CACNG5: variants seen among roughly 807,000 people sequenced by gnomAD.
The protein encoded by CACNG5 is voltage-dependent calcium channel gamma-5 subunit.
Under a neutral mutation model 24.8 loss-of-function variants are expected in CACNG5, and 18 were observed. The observed-to-expected ratio is 0.73, with a 90% confidence interval of 0.50 to 1.08. The LOEUF (loss-of-function observed/expected upper bound fraction) is 1.08, where lower values mean the gene tolerates loss of function less well. Ranked by LOEUF, CACNG5 falls within the 50% of genes least tolerant of loss-of-function variation. The pLI, the probability that CACNG5 is intolerant of heterozygous loss-of-function variation, is 0.00. For synonymous variants in CACNG5, 157 were observed against 149.1 expected (o/e 1.05, Z -0.39); for missense variants, 349 against 367.9 (o/e 0.95, Z 0.42).
chr17:66,836,063 G>C lies in CACNG5; in HGVS notation c.-104+813G>C, dbSNP rs114228463. ...TTTGAGAAATAATTCCGGGAGCCTG[G>C]CTGGGGAGGAAAGAAGCTCATATTC... On this transcript the variant is annotated intron_variant, in intron 1 of 5. Transcript: ENST00000533854. 9.7e-3 allele frequency among the ~76,000 whole-genome samples: 1,476 copies of C among 152,320 alleles called. 32 individuals are homozygous for C. The highest frequency in any genetic ancestry group is 0.033 in the African/African-American group (1,374 of 41,560).
At chr17:66,836,125 C>T (rs78972635) in intron 1 of CACNG5, among the ~76,000 whole-genome samples, 7,700 of 152,230 alleles carry the variant, frequency 0.051, 269 homozygotes, top group African/African-American at 0.1. Context: ...GGGCTGCCTC[C>T]GGTACCTGCC....
intron 1 of CACNG5, among the ~76,000 whole-genome samples, chr17:66,838,199 C>G (rs911246665): frequency 2.0e-5 from 3 of 151,752 alleles, no homozygotes; most frequent in Admixed American, 1.3e-4. Flanking sequence ...CCCTGCCTGG[C>G]TGTGCCTCCC....
At chr17:66,884,414 CTGGTG>C in intron 4 of CACNG5, 97 bp from the exon 5 acceptor site, 1 of 1,233,770 alleles carries the variant, frequency 8.1e-7, no homozygotes, top group Non-Finnish European at 1.1e-6. Context: ...TACCCCAAGG[CTGGTG>C]GCTTTGCTCC....
chr17:66,861,675 C>G (rs1484209146), intron 1 of CACNG5, among the ~76,000 whole-genome samples: 1 of 152,180 alleles, frequency 6.6e-6, no homozygotes, highest in Admixed American at 6.5e-5. Flanking sequence ...TTGTTTCTGT[C>G]TACACATATT....
intron 2 of CACNG5, 108 bp from the exon 3 acceptor site, chr17:66,878,864 C>T (rs1977120114): frequency 2.2e-6 from 2 of 894,292 alleles, no homozygotes; most frequent in Middle Eastern, 3.3e-4. Context: ...GGTGCAAAGA[C>T]ACAGCAGGTC....
intron 4 of CACNG5, 51 bp from the exon 5 acceptor site, chr17:66,884,465 A>T: frequency 6.5e-7 from 1 of 1,543,678 alleles, no homozygotes; most frequent in Non-Finnish European, 8.7e-7. Flanking sequence ...ACCTCAGCAA[A>T]CTTCCTGGGC....
At position 66,884,681 on chromosome 17, in the gene CACNG5, G is replaced by A; in HGVS notation, c.570+20G>A. On this transcript the variant is annotated intron_variant, in intron 5 of 5. Transcript: ENST00000533854. ...ACGGAGGTAAAGCCCGTCACCCTAA[G>A]TATGGATAGGCTGGGCCTGGGCACT... The A allele has an allele frequency of 6.2e-7, 1 of 1,614,232 alleles. No individual in the cohort carries two copies. The highest frequency in any genetic ancestry group is 8.5e-7 in the Non-Finnish European group (1 of 1,180,046).
chr17:66,893,982 G>A lies in CACNG5; in HGVS notation c.*8742G>A, dbSNP rs1357284404. 6.6e-6 allele frequency among the ~76,000 whole-genome samples: 1 copy of A among 152,202 alleles called. No individual in the cohort carries two copies. Among genetic ancestry groups the A allele is most frequent in the Non-Finnish European group, 1.5e-5 (1 of 68,052 alleles). On this transcript the variant is annotated 3_prime_UTR_variant, in exon 6 of 6. Transcript: ENST00000533854. ...AATTCAGTGTTCCCCAGGGTTGCAT[G>A]GGAATCCAATGGGGAGGGGATGGCA...
intron 1 of CACNG5, among the ~76,000 whole-genome samples, chr17:66,847,914 A>G (rs371334801): frequency 3.9e-4 from 60 of 152,284 alleles, no homozygotes; most frequent in African/African-American, 1.4e-3. Context: ...CCCTCCTTCC[A>G]GGGCACAAGG....
chr17:66,874,658 A>G (rs1023103394), intron 1 of CACNG5, among the ~76,000 whole-genome samples: 2 of 152,014 alleles, frequency 1.3e-5, no homozygotes, highest in African/African-American at 4.8e-5. Flanking sequence ...TGCTAGGCAC[A>G]CCTCCCAACA....
chr17:66,847,555 G>GACTGAACT (rs1183660197), intron 1 of CACNG5, among the ~76,000 whole-genome samples: 1 of 92,932 alleles, frequency 1.1e-5, no homozygotes, highest in African/African-American at 4.5e-5. Context: ...CCACCCCCAT[G>GACTGAACT]ACTCAACTAC....
Position 66,880,706 on chromosome 17 carries a change from T to A in CACNG5, c.424+9T>A, listed in dbSNP as rs1374251383. ...CTTCTTTATCCTCTCAGGTAAGTTG[T>A]GTTGTTTTCTTTTCTTGCACCCTGG... On this transcript the variant is annotated intron_variant, in intron 4 of 5. Coordinates refer to ENST00000533854, the MANE Select transcript of CACNG5 (RefSeq NM_145811.3). 6.2e-7 allele frequency: 1 copy of A among 1,611,496 alleles called. No individual in the cohort carries two copies. Among genetic ancestry groups the A allele is most frequent in the Non-Finnish European group, 8.5e-7 (1 of 1,178,982 alleles).
At position 66,877,371 on chromosome 17, in the gene CACNG5, C is replaced by T. The variant is rs1277949617; in HGVS notation, c.39C>T (p.Ser13=). The T allele has an allele frequency of 6.2e-7, 1 of 1,614,144 alleles. No homozygotes were observed. Among genetic ancestry groups the T allele is most frequent in the Non-Finnish European group, 8.5e-7 (1 of 1,180,002 alleles). Residue 13 remains serine (S), a synonymous_variant, in exon 2 of 6, where the codon AGC becomes AGT. Coordinates refer to ENST00000533854, the MANE Select transcript of CACNG5 (RefSeq NM_145811.3). Reference sequence around the variant, plus strand: ...GGAGGAAGGCCCTGACCCTGCTGAGCAGTGTCTTTGCTGTCTGTGGCTTGG... The same window carrying T: ...GGAGGAAGGCCCTGACCCTGCTGAGTAGTGTCTTTGCTGTCTGTGGCTTGG... The part of the protein sequence containing the change: ...ACGRKALTLL[S]SVFAVCGLGL...
intron 1 of CACNG5, among the ~76,000 whole-genome samples, chr17:66,839,592 G>T (rs1976535138): frequency 6.6e-6 from 1 of 151,812 alleles, no homozygotes; most frequent in Non-Finnish European, 1.5e-5. Flanking sequence ...AGATGGGAAG[G>T]TGGGGAGAGA....
Position 66,891,386 on chromosome 17 carries a change from A to G in CACNG5, c.*6146A>G, listed in dbSNP as rs959703131. Among the ~76,000 whole-genome samples the G allele has an allele frequency of 6.6e-6, 1 of 152,192 alleles. No individual in the cohort carries two copies. The highest frequency in any genetic ancestry group is 2.4e-5 in the African/African-American group (1 of 41,450). On this transcript the variant is annotated 3_prime_UTR_variant, in exon 6 of 6. Transcript: ENST00000533854. ...ACAGCTTTAGGGGTTGGCTGGGCTCAGCAAGGCAGTTCTCACTCAGGATCT... is the reference window on the plus strand; with the variant it reads ...ACAGCTTTAGGGGTTGGCTGGGCTCGGCAAGGCAGTTCTCACTCAGGATCT...
intron 1 of CACNG5, among the ~76,000 whole-genome samples, chr17:66,866,861 G>A (rs1568068338): frequency 6.6e-6 from 1 of 152,146 alleles, no homozygotes; most frequent in Non-Finnish European, 1.5e-5. Flanking sequence ...TCTTTATCCA[G>A]TCTATCATTG....
At chr17:66,867,993 T>A (rs1161140106) in intron 1 of CACNG5, among the ~76,000 whole-genome samples, 4 of 152,220 alleles carry the variant, frequency 2.6e-5, no homozygotes, top group Non-Finnish European at 5.9e-5. Context: ...ATGATATAAT[T>A]GCTATTATCA....
chr17:66,869,671 C>T (rs75157245), intron 1 of CACNG5, among the ~76,000 whole-genome samples: 1,720 of 152,216 alleles, frequency 0.011, 27 homozygotes, highest in African/African-American at 0.031. Flanking sequence ...GTCACTGTCA[C>T]GTTCTGGACA....
At chr17:66,850,248 G>C (rs1478245410) in intron 1 of CACNG5, among the ~76,000 whole-genome samples, 1 of 152,206 alleles carries the variant, frequency 6.6e-6, no homozygotes, top group Non-Finnish European at 1.5e-5. Context: ...CTGGGGGAGG[G>C]GGTCTGAGAC....
Sources: allele counts gnomAD v4.1 joint callset (sites outside exome capture counted in the v4.1 genomes callset), GRCh38; gene constraint gnomAD v4.1.1; transcripts MANE v1.5; gene names NCBI Gene and HGNC (gene_info 2026-07-23, HGNC 2026-07-21).